Variants in GRID2 observed in about 807,000 individuals in gnomAD.
The protein encoded by GRID2 is glutamate receptor ionotropic, delta-2.
A neutral mutation model predicts 114.8 loss-of-function variants in GRID2; 33 were observed. The ratio of observed to expected loss-of-function variants is 0.29; its 90% confidence interval spans 0.22 to 0.38. The LOEUF (loss-of-function observed/expected upper bound fraction) is 0.38, where lower values mean the gene tolerates loss of function less well. Ranked by LOEUF, GRID2 falls within the 10% of genes least tolerant of loss-of-function variation. The probability of loss-of-function intolerance (pLI) is 1.00; values close to 1 mark genes in which losing one functional copy is unlikely to be tolerated. For missense variants in GRID2, 1,184 were observed against 1,257.7 expected (o/e 0.94, Z 0.89); for synonymous variants, 505 against 449.9 (o/e 1.12, Z -1.55).
At chr4:93,154,817 A>G (rs1289138905) in intron 4 of GRID2, among the ~76,000 whole-genome samples, 1 of 151,780 alleles carries the variant, frequency 6.6e-6, no homozygotes. Flanking sequence ...CTTTTCCTCT[A>G]CTGCAATTCT....
intron 2 of GRID2, among the ~76,000 whole-genome samples, chr4:92,839,966 T>G (rs1416996184): frequency 6.6e-6 from 1 of 152,054 alleles, no homozygotes; most frequent in African/African-American, 2.4e-5. Context: ...TCTCTTTAGC[T>G]CTAATAATAT....
intron 2 of GRID2, among the ~76,000 whole-genome samples, chr4:92,874,648 T>C (rs1745500474): frequency 1.3e-5 from 2 of 152,190 alleles, no homozygotes; most frequent in African/African-American, 2.4e-5. Context: ...AGGTTAGAAT[T>C]TAAAGACAGA....
intron 2 of GRID2, among the ~76,000 whole-genome samples, chr4:93,023,107 GTGTGTGTGTGTGTGTGTGTATGTA>G (rs1188730329): frequency 1.3e-5 from 2 of 150,826 alleles, no homozygotes; most frequent in East Asian, 1.9e-4. Flanking sequence ...GTGTGTGTGT[GTGTGTGTGTGTGTGTGTGTATGTA>G]TGTGTGTGTG....
chr4:93,270,025 A>G (rs941959818), intron 8 of GRID2, among the ~76,000 whole-genome samples: 21 of 152,168 alleles, frequency 1.4e-4, no homozygotes, highest in Non-Finnish European at 2.8e-4. Flanking sequence ...TTTTTCCAGT[A>G]AGTAAAGGGA....
chr4:93,108,724 G>A (rs749735629), intron 3 of GRID2, among the ~76,000 whole-genome samples: 17 of 150,950 alleles, frequency 1.1e-4, no homozygotes, highest in Admixed American at 2.6e-4. Context: ...TCCACCTCCC[G>A]GGTTCAAGCG....
chr4:93,799,227 G>T lies in GRID2; in HGVS notation c.222-7488G>T, dbSNP rs560986691. ...TGCAATGCACTGTTAAGTACCATGG[G>T]TATTGTATTTATTTATGTGACTCTA... On this transcript the variant is annotated intron_variant, in intron 1 of 1. Coordinates refer to the GRID2 transcript ENST00000637838. 4.9e-4 allele frequency among the ~76,000 whole-genome samples: 74 copies of T among 152,202 alleles called. 1 individual carries two copies. Among genetic ancestry groups the T allele is most frequent in the South Asian group, 1.0e-3 (5 of 4,816 alleles).
chr4:93,453,450 C>T lies in GRID2; in HGVS notation c.1546-2212C>T, dbSNP rs1220003597. On this transcript the variant is annotated intron_variant, in intron 10 of 15. Transcript: ENST00000282020. ...AATTTCTCCTTGAAAATAGAATAGC[C>T]AAATGTTGAAAATAGACCAGAATTT... is the stretch of plus-strand genomic sequence containing the variant. Among the ~76,000 whole-genome samples, 3 of 151,734 alleles carry T rather than the reference C, an allele frequency of 2.0e-5. No homozygotes were observed. The East Asian group carries it at 5.9e-4, about 30-fold the overall frequency.
At chr4:92,703,784 G>A (rs1328828567) in intron 2 of GRID2, among the ~76,000 whole-genome samples, 2 of 151,754 alleles carry the variant, frequency 1.3e-5, no homozygotes, top group Admixed American at 6.6e-5. Context: ...ATATTAACTG[G>A]TTACATTCTT....
rs1022428147 is a variant in GRID2 at position 92,528,298 on chromosome 4, A to G, written c.89-61833A>G. ...TGAATATATATATATATATATTTTG[A>G]GTATATATATATATGTATTCAAAGA... On this transcript the variant is annotated intron_variant, in intron 1 of 15. Coordinates refer to ENST00000282020, the MANE Select transcript of GRID2 (RefSeq NM_001510.4). 2.8e-5 allele frequency among the ~76,000 whole-genome samples: 4 copies of G among 144,612 alleles called. No homozygotes were observed. In the South Asian group the frequency reaches 6.4e-4, roughly 23 times the overall value. 94.9% of individuals were successfully genotyped at this position (144,612 alleles called of 152,430 possible).
chr4:92,705,374 C>T (rs1734906229), intron 2 of GRID2, among the ~76,000 whole-genome samples: 1 of 152,154 alleles, frequency 6.6e-6, no homozygotes, highest in Non-Finnish European at 1.5e-5. Flanking sequence ...GAACATACTA[C>T]ACGCCAGGCA....
At chr4:93,778,410 T>TC (rs1364246178), downstream of GRID2, among the ~76,000 whole-genome samples, 2 of 148,476 alleles carry the variant, frequency 1.3e-5, no homozygotes, top group African/African-American at 5.0e-5. Flanking sequence ...TTTTTTTTTT[T>TC]TTTTGAGACA....
chr4:93,041,369 A>G (rs17020101), intron 2 of GRID2, among the ~76,000 whole-genome samples: 3,383 of 152,222 alleles, frequency 0.022, 72 homozygotes, highest in East Asian at 0.053. Context: ...AACTTCTCAC[A>G]TTTTTTGACT....
chr4:93,199,669 A>G (rs1741869663), intron 4 of GRID2, among the ~76,000 whole-genome samples: 2 of 152,238 alleles, frequency 1.3e-5, no homozygotes, highest in African/African-American at 4.8e-5. Context: ...GGAAAAGAAC[A>G]GAAGACAGTT....
At chr4:93,553,373 G>GT (rs1265851111) in intron 13 of GRID2, among the ~76,000 whole-genome samples, 1 of 152,144 alleles carries the variant, frequency 6.6e-6, no homozygotes, top group African/African-American at 2.4e-5. Context: ...GATTAACTGT[G>GT]TTTTTTTATG....
chr4:93,476,181 G>A (rs760071275), intron 11 of GRID2, among the ~76,000 whole-genome samples: 1 of 152,022 alleles, frequency 6.6e-6, no homozygotes, highest in Non-Finnish European at 1.5e-5. Flanking sequence ...TTACTTTATT[G>A]GTGAGCAAAT....
At chr4:92,565,197 T>G in intron 1 of GRID2, among the ~76,000 whole-genome samples, 1 of 152,148 alleles carries the variant, frequency 6.6e-6, no homozygotes, top group South Asian at 2.1e-4. Flanking sequence ...TGATAATATG[T>G]TGTATTAAAA....
chr4:93,779,614 C>T (rs9998217), intron 1 of GRID2, among the ~76,000 whole-genome samples: 58,571 of 151,988 alleles, frequency 0.39, 12,065 homozygotes, highest in East Asian at 0.76. Flanking sequence ...ATATAAATTA[C>T]ACCATGTTGC....
chr4:92,723,117 A>T (rs1170517367), intron 2 of GRID2, among the ~76,000 whole-genome samples: 1 of 152,036 alleles, frequency 6.6e-6, no homozygotes, highest in Non-Finnish European at 1.5e-5. Flanking sequence ...TTGACCCCCA[A>T]ATATCTTCAT....
At chr4:92,318,817 G>C (rs1452683494) in intron 1 of GRID2, among the ~76,000 whole-genome samples, 4 of 152,080 alleles carry the variant, frequency 2.6e-5, no homozygotes, top group Admixed American at 1.3e-4. Context: ...TCAGGAGTCT[G>C]TCTTCAAGCA....
Sources: allele counts gnomAD v4.1 joint callset (sites outside exome capture counted in the v4.1 genomes callset), GRCh38; gene constraint gnomAD v4.1.1; transcripts MANE v1.5; gene names NCBI Gene and HGNC (gene_info 2026-07-23, HGNC 2026-07-21).